OPLAH: variants seen among roughly 807,000 people sequenced by gnomAD.
The protein encoded by OPLAH is 5-oxoprolinase.
In OPLAH, 103 loss-of-function variants were observed where a neutral mutation model predicts 122.8. The ratio of observed to expected loss-of-function variants is 0.84; its 90% confidence interval spans 0.71 to 0.99. The LOEUF (loss-of-function observed/expected upper bound fraction) is 0.99, where lower values mean the gene tolerates loss of function less well. OPLAH is among the 50% of genes least tolerant of loss of function. The pLI is 0.00. For synonymous variants in OPLAH, 875 were observed against 796.0 expected, an observed-to-expected ratio of 1.10 and a Z score of -1.67; for missense variants, 1,902 against 1,836.5, an observed-to-expected ratio of 1.04 and a Z score of -0.65.
Position 144,052,865 on chromosome 8 carries a change from C to G in OPLAH, c.3054G>C (p.Pro1018=), listed in dbSNP as rs1554758037. 3.2e-6 allele frequency: 5 copies of G among 1,554,136 alleles called. No individual in the cohort carries two copies. Among genetic ancestry groups the G allele is most frequent in the South Asian group, 2.4e-5 (2 of 84,360 alleles). The change falls in exon 22 of 27, where the codon CCG becomes CCC. Residue 1018 remains proline, a synonymous_variant. Coordinates refer to ENST00000618853, the MANE Select transcript of OPLAH (RefSeq NM_017570.5). The part of the protein sequence containing the change: ...SAVFDFSGTG[P]EVFGNLNAPR... ...GTGCGTTGAGATTACCAAACACCTC[C>G]GGCCCAGTGCCGCTGAAGTCAAACA...
At position 144,057,940 on chromosome 8, in the gene OPLAH, C is replaced by T; in HGVS notation, c.1089-17G>A. The T allele has an allele frequency of 6.2e-7, 1 of 1,611,788 alleles. No individual in the cohort carries two copies. The highest frequency in any genetic ancestry group is 1.1e-5 in the South Asian group (1 of 91,062). ...AGGCCAGACCTAGGGGAAGGAAGGG[C>T]TGGGGTTGGAGTTGGACACGAGGAG... On this transcript the variant is annotated splice_polypyrimidine_tract_variant and intron_variant, in intron 8 of 26. Transcript: ENST00000618853.
chr8:144,059,805 G>C lies in OPLAH; in HGVS notation c.172-15C>G. On this transcript the variant is annotated splice_polypyrimidine_tract_variant and intron_variant, in intron 2 of 26. Coordinates refer to ENST00000618853, the MANE Select transcript of OPLAH (RefSeq NM_017570.5). ...ATGCCGGCCTCCTGGGGACCACGTGGTCAGTGTGGGGCTTCTGGCCGTGGG... is the reference window on the plus strand; with the variant it reads ...ATGCCGGCCTCCTGGGGACCACGTGCTCAGTGTGGGGCTTCTGGCCGTGGG... The C allele has an allele frequency of 1.2e-6, 2 of 1,609,436 alleles. No homozygotes were observed. Among genetic ancestry groups the C allele is most frequent in the Non-Finnish European group, 1.7e-6 (2 of 1,178,580 alleles).
chr8:144,063,756 G>A (rs566656830), upstream of OPLAH: 1 of 152,558 alleles, frequency 6.6e-6, no homozygotes, highest in Admixed American at 6.5e-5. The surrounding 1 kb of genome is among the most constrained non-coding windows in gnomAD (Gnocchi z 4.2). Flanking sequence ...GGGACTGGCA[G>A]CCACCTCAGC....
intron 10 of OPLAH, 57 bp from the exon 11 acceptor site, chr8:144,057,377 C>A: frequency 6.3e-7 from 1 of 1,582,394 alleles, no homozygotes; most frequent in Admixed American, 1.8e-5. Flanking sequence ...CAGCCCCCAG[C>A]CTGAGCAGGA....
Position 144,057,676 on chromosome 8 carries a change from C to G in OPLAH, c.1194G>C (p.Leu398=), listed in dbSNP as rs1306441098. 25 of 1,608,888 alleles carry G rather than the reference C, an allele frequency of 1.6e-5. No homozygotes were observed. The highest frequency in any genetic ancestry group is 2.1e-5 in the Non-Finnish European group (25 of 1,177,768). ...PVTVTDANLV[L]GRLLPASFPC... is the part of the protein sequence containing the mutation. ...GGAAGGAGGCAGGCAGCAGGCGACC[C>G]AGGACCAGATTAGCATCCGTCACTG... Residue 398 remains leucine (L), a synonymous_variant, in exon 10 of 27, where the codon CTG becomes CTC. Transcript: ENST00000618853.
At chr8:144,051,205 A>G (rs1370802026), downstream of OPLAH, 1 of 1,498,032 alleles carries the variant, frequency 6.7e-7, no homozygotes, top group African/African-American at 1.4e-5. Flanking sequence ...GTGTCCTCCT[A>G]AGGCAAGCAC....
upstream of OPLAH, among the ~76,000 whole-genome samples, chr8:144,061,735 G>A (rs1554760945): frequency 6.6e-6 from 1 of 152,088 alleles, no homozygotes; most frequent in African/African-American, 2.4e-5. Context: ...ATAAAAATGG[G>A]CAACCGGCCT....
intron 19 of OPLAH, among the ~76,000 whole-genome samples, chr8:144,053,752 C>T (rs1053406884): frequency 8.5e-5 from 13 of 152,110 alleles, no homozygotes; most frequent in African/African-American, 2.7e-4. Flanking sequence ...ACCCTGGCCA[C>T]GCCACTTCCC....
At chr8:144,051,011 G>T, downstream of OPLAH, 1 of 1,186,370 alleles carries the variant, frequency 8.4e-7, no homozygotes, top group East Asian at 4.7e-5. Context: ...GCCGAGCTAA[G>T]CCCTGGAGAG....
upstream of OPLAH, among the ~76,000 whole-genome samples, chr8:144,062,331 C>T (rs1337165291): frequency 2.6e-5 from 4 of 152,064 alleles, no homozygotes; most frequent in Non-Finnish European, 5.9e-5. Context: ...CTGTAAGTGG[C>T]ACGTGCCTGC....
intron 1 of OPLAH, 107 bp from the exon 2 acceptor site, chr8:144,060,192 C>G: frequency 1.2e-6 from 1 of 808,442 alleles, no homozygotes; most frequent in Non-Finnish European, 1.9e-6. Flanking sequence ...GGGCACGACT[C>G]TGGGAAGAGC....
chr8:144,058,738 C>G, intron 5 of OPLAH, 35 bp downstream of exon 5: 5 of 1,582,284 alleles, frequency 3.2e-6, no homozygotes, highest in Non-Finnish European at 4.3e-6. Context: ...AGGCCCGGCA[C>G]CTGCTCCCGC....
intron 14 of OPLAH, 31 bp downstream of exon 14, chr8:144,056,354 C>T (rs964256012): frequency 6.3e-7 from 1 of 1,595,436 alleles, no homozygotes; most frequent in African/African-American, 1.3e-5. Context: ...CCCATGGGTG[C>T]TGTCAGGCTG....
In OPLAH at chr8:144,057,837, G is replaced by A; in HGVS notation, c.1156+19C>T. 6.2e-7 allele frequency: 1 copy of A among 1,608,118 alleles called. No homozygotes were observed. Among genetic ancestry groups the A allele is most frequent in the Non-Finnish European group, 8.5e-7 (1 of 1,178,030 alleles). On this transcript the variant is annotated intron_variant, in intron 9 of 26. Coordinates refer to ENST00000618853, the MANE Select transcript of OPLAH (RefSeq NM_017570.5). Reference sequence around the variant, plus strand: ...GCAAGCGGAGGGCAAGGCCAGGCCGGCCAGATCCTGACTCTTACCTTTGCG... The same window carrying A: ...GCAAGCGGAGGGCAAGGCCAGGCCGACCAGATCCTGACTCTTACCTTTGCG...
Position 144,057,292 on chromosome 8 carries a change from A to G in OPLAH, c.1451T>C (p.Val484Ala). The change falls in exon 11 of 27, where the codon GTG (valine) becomes GCG (alanine). Residue 484 changes from valine (V) to alanine (A), a missense_variant. Coordinates refer to ENST00000618853, the MANE Select transcript of OPLAH (RefSeq NM_017570.5). Reference sequence around the variant, plus strand: ...ACCAGCTCCCCCAAAGCAGGCCAGCACATGGGCTGAGGGGTCATGGCCTCT... The same window carrying G: ...ACCAGCTCCCCCAAAGCAGGCCAGCGCATGGGCTGAGGGGTCATGGCCTCT... Reference protein sequence around the residue: ...QARGHDPSAHVLACFGGAGGQ... With the variant: ...QARGHDPSAHALACFGGAGGQ... 6.2e-7 allele frequency: 1 copy of G among 1,612,372 alleles called. No individual in the cohort carries two copies. Among genetic ancestry groups the G allele is most frequent in the East Asian group, 2.2e-5 (1 of 44,880 alleles).
Position 144,051,956 on chromosome 8 carries a change from C to A in OPLAH, c.3582G>T (p.Val1194=). ...GCCGGAAGGCGCGGCGCTCGGTCAG[C>A]ACTGACAGCAGCGCCTCCTCACGAA... ...LLFREEALLS[V]LTERRAFRPY... The change falls in exon 25 of 27, where the codon GTG becomes GTT. Residue 1194 remains valine, a synonymous_variant. Transcript: ENST00000618853. 6.4e-7 allele frequency: 1 copy of A among 1,563,392 alleles called. No homozygotes were observed.
Position 144,055,893 on chromosome 8 carries a change from C to T in OPLAH, c.2143G>A (p.Gly715Arg). The T allele has an allele frequency of 6.3e-7, 1 of 1,587,244 alleles. No individual in the cohort carries two copies. Among genetic ancestry groups the T allele is most frequent in the Non-Finnish European group, 8.6e-7 (1 of 1,167,124 alleles). The change falls in exon 16 of 27, where the codon GGG becomes AGG. Residue 715 changes from glycine (G) to arginine (R), a missense_variant. Coordinates refer to ENST00000618853, the MANE Select transcript of OPLAH (RefSeq NM_017570.5). This position sits in a 1 kb window ranked among gnomAD's most constrained non-coding sequence, Gnocchi z 6.5. ...GCCCCCACGGAGATGCAGATGTCCC[C>T]TGTCTTGGTCACCTCTGCCTGGCAA... is the stretch of plus-strand genomic sequence containing the variant. The part of the protein sequence containing the change: ...PGCQAEVTKT[G>R]DICISVGAEV...
rs1835428919 is a variant in OPLAH, at chr8:144,053,101, A to G, written c.2900T>C (p.Met967Thr). 1.9e-6 allele frequency: 3 copies of G among 1,606,572 alleles called. No individual in the cohort carries two copies. Among genetic ancestry groups the G allele is most frequent in the African/African-American group, 2.7e-5 (2 of 74,734 alleles). The change falls in exon 21 of 27, where the codon ATG becomes ACG. Residue 967 changes from methionine (M) to threonine (T), a missense_variant. Met to Thr is a moderately conservative substitution (Grantham distance 81). Transcript: ENST00000618853. ...CCGGGAGGTTCCAAAGGCACGCAAC[A>G]TGTCTCGCACGGCCAGCTCAGCGTT... ...QANAELAVRD[M>T]LRAFGTSRQA...
In OPLAH at chr8:144,056,246, T is replaced by C. The variant is rs782384485; in HGVS notation, c.1997A>G (p.Tyr666Cys). The change falls in exon 15 of 27, where the codon TAC (tyrosine) becomes TGC (cysteine). Residue 666 changes from tyrosine (Y) to cysteine (C), a missense_variant. Physicochemically the swap from Tyr to Cys is radical, Grantham distance 194. Transcript: ENST00000618853. ...PPRVDKMTQC[Y>C]FEGGYQETPV... ...GGTCTCCTGGTAGCCCCCCTCAAAG[T>C]AGCACTGGGTCATCTGCAGAGGGTG... The C allele has an allele frequency of 9.9e-6, 16 of 1,611,356 alleles. No homozygotes were observed. The highest frequency in any genetic ancestry group is 9.3e-5 in the African/African-American group (7 of 74,906).
Sources: allele counts gnomAD v4.1 joint callset (sites outside exome capture counted in the v4.1 genomes callset), GRCh38; gene constraint gnomAD v4.1.1; non-coding constraint Gnocchi (gnomAD v3.1); transcripts MANE v1.5; gene names NCBI Gene and HGNC (gene_info 2026-07-23, HGNC 2026-07-21).